The following INPP5A variants were observed in gnomAD, a reference collection of about 807,000 sequenced individuals.
INPP5A encodes the protein 43 kDa inositol polyphosphate 5-phophatase.
A neutral mutation model predicts 65.2 loss-of-function variants in INPP5A; 14 were observed. The ratio of observed to expected loss-of-function variants is 0.21; its 90% CI spans 0.14 to 0.34. The LOEUF (loss-of-function observed/expected upper bound fraction) is 0.34, where lower values mean the gene tolerates loss of function less well. Ranked by LOEUF, INPP5A falls within the 10% of genes least tolerant of loss-of-function variation. The pLI, the probability that INPP5A is intolerant of heterozygous loss-of-function variation, is 1.00. For synonymous variants in INPP5A, 207 were observed against 208.3 expected, an observed-to-expected ratio of 0.99 and a Z score of 0.05; for missense variants, 431 against 545.6, an observed-to-expected ratio of 0.79 and a Z score of 2.09.
In INPP5A at chr10:132,777,675, C is replaced by G; in HGVS notation, c.982C>G (p.Pro328Ala). The G allele has an allele frequency of 1.2e-6, 2 of 1,612,678 alleles. No individual in the cohort carries two copies. The highest frequency in any genetic ancestry group is 1.7e-6 in the Non-Finnish European group (2 of 1,179,852). ...ELDISFPPSY[P>A]YSEDARQGEQ... Reference sequence around the variant, plus strand: ...TCTGCCTTCATGTCTCCCCAGCTACCCGTACAGTGAGGACGCCCGCCAGGG... The same window carrying G: ...TCTGCCTTCATGTCTCCCCAGCTACGCGTACAGTGAGGACGCCCGCCAGGG... Residue 328 changes from proline (P) to alanine (A), a missense_variant, in exon 13 of 16, where the codon CCG (proline) becomes GCG (alanine). Coordinates refer to ENST00000368594, the MANE Select transcript of INPP5A (RefSeq NM_005539.5).
intron 11 of INPP5A, among the ~76,000 whole-genome samples, chr10:132,751,927 G>A (rs1470382628): frequency 6.7e-6 from 1 of 150,284 alleles, no homozygotes; most frequent in African/African-American, 2.4e-5. Context: ...AGGTGTCTGG[G>A]TAGAGGCGGG....
chr10:132,756,536 CTG>C (rs1048346201), intron 11 of INPP5A, among the ~76,000 whole-genome samples: 12 of 152,214 alleles, frequency 7.9e-5, no homozygotes, highest in Admixed American at 2.0e-4. Context: ...TGTGATGTAA[CTG>C]TTGTGACATC....
At chr10:132,553,358 G>A (rs1297357379) in intron 1 of INPP5A, among the ~76,000 whole-genome samples, 2 of 109,364 alleles carry the variant, frequency 1.8e-5, no homozygotes, top group African/African-American at 3.6e-5. Flanking sequence ...CATATTGAGT[G>A]GGATAGGGAG....
chr10:132,643,739 C>T (rs1418574942), intron 2 of INPP5A, among the ~76,000 whole-genome samples: 1 of 152,136 alleles, frequency 6.6e-6, no homozygotes, highest in Non-Finnish European at 1.5e-5. Flanking sequence ...GGAGCTCTGG[C>T]ATAGAAGCAA....
At chr10:132,742,382 G>A (rs1314249919) in intron 9 of INPP5A, among the ~76,000 whole-genome samples, 2 of 152,236 alleles carry the variant, frequency 1.3e-5, no homozygotes, top group Non-Finnish European at 2.9e-5. Context: ...TGAGCAGAGA[G>A]GGGCGCTCCC....
intron 13 of INPP5A, among the ~76,000 whole-genome samples, chr10:132,779,198 A>G (rs1847116219): frequency 6.6e-6 from 1 of 152,252 alleles, no homozygotes; most frequent in African/African-American, 2.4e-5. Context: ...CCAAAAGCCC[A>G]GGAGTGGGCT....
rs2072974038 is a variant in INPP5A, at chr10:132,676,984, C to T, written c.307-13408C>T. Reference sequence around the variant, plus strand: ...CAGGTATTCACATGGTGACCCCCACCGTCACCCAGGCACCTGTCCTGAACT... The same window carrying T: ...CAGGTATTCACATGGTGACCCCCACTGTCACCCAGGCACCTGTCCTGAACT... On this transcript the variant is annotated intron_variant, in intron 4 of 15. Transcript: ENST00000368594. The surrounding 1 kb of genome is among the most constrained non-coding windows in gnomAD (Gnocchi z 4.0). 1.3e-5 allele frequency among the ~76,000 whole-genome samples: 2 copies of T among 150,012 alleles called. No homozygotes were observed. The highest frequency in any genetic ancestry group is 3.0e-5 in the Non-Finnish European group (2 of 67,142).
intron 9 of INPP5A, among the ~76,000 whole-genome samples, chr10:132,728,262 C>T (rs1018498483): frequency 3.2e-4 from 48 of 152,216 alleles, no homozygotes; most frequent in African/African-American, 1.1e-3. Flanking sequence ...AGCACACATC[C>T]CCCAGCAGGG....
At chr10:132,634,349 G>A (rs1025738590) in intron 2 of INPP5A, among the ~76,000 whole-genome samples, 3 of 144,156 alleles carry the variant, frequency 2.1e-5, no homozygotes, top group South Asian at 2.2e-4. Flanking sequence ...GGTGTGCCCC[G>A]GAGAGGCGTA....
intron 4 of INPP5A, among the ~76,000 whole-genome samples, chr10:132,664,666 A>C (rs1017215677): frequency 6.6e-6 from 1 of 152,228 alleles, no homozygotes; most frequent in African/African-American, 2.4e-5. Flanking sequence ...ACAGCTCCCC[A>C]TCAGCAGCAG....
At chr10:132,774,811 AGGGAGGAGAGAGGGG>A in intron 12 of INPP5A, among the ~76,000 whole-genome samples, 1 of 146,432 alleles carries the variant, frequency 6.8e-6, no homozygotes, top group African/African-American at 2.6e-5. Context: ...AGAGAGGGGC[AGGGAGGAGAGAGGGG>A]CACGGAGGAG....
At chr10:132,692,311 AGGT>A in intron 5 of INPP5A, among the ~76,000 whole-genome samples, 1 of 152,324 alleles carries the variant, frequency 6.6e-6, no homozygotes, top group East Asian at 1.9e-4. Context: ...CAGCGACAAC[AGGT>A]GCAGCTTGTA....
intron 6 of INPP5A, among the ~76,000 whole-genome samples, chr10:132,702,616 C>G (rs555844740): frequency 6.6e-6 from 1 of 152,206 alleles, no homozygotes; most frequent in African/African-American, 2.4e-5. Context: ...AATTCAGAGG[C>G]GTGCGTGCAG....
intron 4 of INPP5A, among the ~76,000 whole-genome samples, chr10:132,662,922 C>T (rs1471240587): frequency 6.6e-6 from 1 of 152,218 alleles, no homozygotes; most frequent in Non-Finnish European, 1.5e-5. Context: ...CAGGACTCAT[C>T]CAGTTACACG....
chr10:132,726,227 C>T (rs1845981597), intron 8 of INPP5A, among the ~76,000 whole-genome samples: 1 of 152,204 alleles, frequency 6.6e-6, no homozygotes, highest in Non-Finnish European at 1.5e-5. Flanking sequence ...GCCACTGTTA[C>T]CCTCTCACTT....
chr10:132,754,951 G>C (rs895527414), intron 11 of INPP5A, among the ~76,000 whole-genome samples: 1 of 151,864 alleles, frequency 6.6e-6, no homozygotes, highest in Non-Finnish European at 1.5e-5. Flanking sequence ...GCATGTGAAT[G>C]GGCAAGTGTG....
In INPP5A at chr10:132,545,365, T is replaced by C. The variant is rs555856519; in HGVS notation, c.75+7194T>C. The stretch of plus-strand genomic sequence containing the variant: ...AAGACTTTGACCAGATCGGGGCGGC[T>C]GAGGGGGCTGCCTACGGCAGGAGAC... On this transcript the variant is annotated intron_variant, in intron 1 of 15. Coordinates refer to ENST00000368594, the MANE Select transcript of INPP5A (RefSeq NM_005539.5). This position sits in a 1 kb window ranked among gnomAD's most constrained non-coding sequence, Gnocchi z 4.6. 3.6e-4 allele frequency among the ~76,000 whole-genome samples: 55 copies of C among 152,016 alleles called. No homozygotes were observed. Among genetic ancestry groups the C allele is most frequent in the African/African-American group, 1.2e-3 (51 of 41,446 alleles).
intron 1 of INPP5A, among the ~76,000 whole-genome samples, chr10:132,605,211 G>C (rs1162870564): frequency 8.1e-6 from 1 of 124,016 alleles, no homozygotes; most frequent in Non-Finnish European, 1.7e-5. Context: ...AGGAGGGAGT[G>C]GGGGAGGGGC....
Position 132,545,785 on chromosome 10 carries a change from G to T in INPP5A, c.75+7614G>T, listed in dbSNP as rs939418808. Among the ~76,000 whole-genome samples, 8 of 152,224 alleles carry T rather than the reference G, an allele frequency of 5.3e-5. No homozygotes were observed. Among genetic ancestry groups the T allele is most frequent in the Non-Finnish European group, 1.2e-4 (8 of 68,042 alleles). On this transcript the variant is annotated intron_variant, in intron 1 of 15. Coordinates refer to ENST00000368594, the MANE Select transcript of INPP5A (RefSeq NM_005539.5). The surrounding 1 kb of genome is among the most constrained non-coding windows in gnomAD (Gnocchi z 4.6). ...CACCCCACCAGGTCTGGTTGGTGCTGCCATGGGCTCAGATCTGGCGTTTTC... is the reference window on the plus strand; with the variant it reads ...CACCCCACCAGGTCTGGTTGGTGCTTCCATGGGCTCAGATCTGGCGTTTTC...
Sources: allele counts gnomAD v4.1 joint callset (sites outside exome capture counted in the v4.1 genomes callset), GRCh38; gene constraint gnomAD v4.1.1; non-coding constraint Gnocchi (gnomAD v3.1); transcripts MANE v1.5; gene names NCBI Gene and HGNC (gene_info 2026-07-23, HGNC 2026-07-21).